ARHGEF28: variants seen among roughly 807,000 people sequenced by gnomAD.
ARHGEF28 encodes the protein 190 kDa guanine nucleotide exchange factor.
Under a neutral mutation model 206.6 loss-of-function variants are expected in ARHGEF28, and 152 were observed. That is an observed-to-expected ratio of 0.74 (90% CI 0.64 to 0.84). The LOEUF is 0.84. Ranked by LOEUF, ARHGEF28 falls within the 40% of genes least tolerant of loss-of-function variation. The pLI is 0.00. For missense variants in ARHGEF28, 2,028 were observed against 2,073.2 expected, an observed-to-expected ratio of 0.98 and a Z score of 0.42; for synonymous variants, 763 against 776.4, an observed-to-expected ratio of 0.98 and a Z score of 0.29.
chr5:73,838,473 A>T (rs1757796304), intron 10 of ARHGEF28, among the ~76,000 whole-genome samples: 1 of 152,202 alleles, frequency 6.6e-6, no homozygotes, highest in South Asian at 2.1e-4. Flanking sequence ...CTGTTGAGAA[A>T]ATTCACATGA....
intron 9 of ARHGEF28, among the ~76,000 whole-genome samples, chr5:73,818,278 GA>G (rs1326989357): frequency 6.6e-6 from 1 of 152,128 alleles, no homozygotes; most frequent in African/African-American, 2.4e-5. Context: ...TACCTAATCT[GA>G]AAAAATAATC....
At chr5:73,722,270 G>A (rs183139575) in intron 2 of ARHGEF28, among the ~76,000 whole-genome samples, 30 of 152,358 alleles carry the variant, frequency 2.0e-4, no homozygotes, top group Non-Finnish European at 3.7e-4. Flanking sequence ...TGTGCTAGCT[G>A]TTTCATCAAC....
intron 25 of ARHGEF28, among the ~76,000 whole-genome samples, chr5:73,886,555 C>T (rs1374965990): frequency 6.6e-6 from 1 of 152,222 alleles, no homozygotes; most frequent in Non-Finnish European, 1.5e-5. Context: ...AATATATCCA[C>T]ACACCTGCTG....
intron 13 of ARHGEF28, 27 bp from the exon 14 acceptor site, chr5:73,852,623 T>C (rs1392627596): frequency 6.2e-7 from 1 of 1,612,016 alleles, no homozygotes; most frequent in Non-Finnish European, 8.5e-7. Context: ...TGCCTTAGTT[T>C]TCATTTTATT....
intron 2 of ARHGEF28, among the ~76,000 whole-genome samples, chr5:73,691,452 A>G (rs1747823480): frequency 6.6e-6 from 1 of 152,140 alleles, no homozygotes; most frequent in Non-Finnish European, 1.5e-5. Context: ...CATCTCCTGC[A>G]GGGGTTCTTA....
intron 1 of ARHGEF28, among the ~76,000 whole-genome samples, chr5:73,657,987 T>C (rs542147646): frequency 6.6e-6 from 1 of 152,324 alleles, no homozygotes; most frequent in Non-Finnish European, 1.5e-5. Context: ...AATGAGTCTT[T>C]ATTTTATGAC....
chr5:73,903,713 C>T (rs2450437), intron 31 of ARHGEF28: 5,176 of 156,958 alleles, frequency 0.033, 99 homozygotes, highest in South Asian at 0.05. Context: ...ACTATGGCCA[C>T]CGTCTGAGTC....
intron 2 of ARHGEF28, among the ~76,000 whole-genome samples, chr5:73,703,770 G>T (rs968453107): frequency 6.6e-6 from 1 of 151,910 alleles, no homozygotes; most frequent in African/African-American, 2.4e-5. Context: ...AGGCGCAGTG[G>T]CTCATGCCTG....
At chr5:73,855,359 C>A (rs1481136133) in intron 14 of ARHGEF28, among the ~76,000 whole-genome samples, 2 of 152,058 alleles carry the variant, frequency 1.3e-5, no homozygotes, top group African/African-American at 4.8e-5. Flanking sequence ...TTTCATATTT[C>A]ATAATTAATA....
At chr5:73,818,687 A>G (rs891934240) in intron 9 of ARHGEF28, among the ~76,000 whole-genome samples, 24 of 152,020 alleles carry the variant, frequency 1.6e-4, no homozygotes, top group African/African-American at 5.8e-4. Flanking sequence ...CCCATTACAA[A>G]CTCTTTGCCA....
At chr5:73,800,024 C>CTATAAT (rs973342109) in intron 9 of ARHGEF28, among the ~76,000 whole-genome samples, 2 of 152,018 alleles carry the variant, frequency 1.3e-5, no homozygotes, top group African/African-American at 4.8e-5. Flanking sequence ...TGTTAGTCTT[C>CTATAAT]TATAATTATA....
intron 4 of ARHGEF28, among the ~76,000 whole-genome samples, chr5:73,767,648 G>T (rs1752971034): frequency 6.6e-6 from 1 of 152,120 alleles, no homozygotes; most frequent in Non-Finnish European, 1.5e-5. Flanking sequence ...TGCTGTTAAA[G>T]GCATTCAGTT....
chr5:73,852,396 GCTAA>G (rs1367993264), intron 13 of ARHGEF28, among the ~76,000 whole-genome samples: 1 of 152,256 alleles, frequency 6.6e-6, no homozygotes, highest in Non-Finnish European at 1.5e-5. Flanking sequence ...CCTTGCTGAT[GCTAA>G]CTTAGTTCAT....
rs80208644 is a variant in ARHGEF28 at position 73,748,980 on chromosome 5, C to T, written c.34-857C>T. On this transcript the variant is annotated intron_variant, in intron 2 of 35. Coordinates refer to ENST00000513042, the MANE Select transcript of ARHGEF28 (RefSeq NM_001177693.2). ...CAAAGCCTCAGGATGATGAAATACC[C>T]GAGAGCCCCAGCCTGCTGCCCCACT... 5.4e-3 allele frequency among the ~76,000 whole-genome samples: 818 copies of T among 152,244 alleles called. 4 individuals carry two copies. The highest frequency in any genetic ancestry group is 0.019 in the African/African-American group (773 of 41,556).
intron 1 of ARHGEF28, among the ~76,000 whole-genome samples, chr5:73,674,520 G>A (rs529637364): frequency 3.9e-5 from 6 of 152,272 alleles, no homozygotes; most frequent in African/African-American, 9.6e-5. Context: ...AAACATACAC[G>A]GTATTTTGAC....
At chr5:73,834,264 T>C (rs755646578) in intron 10 of ARHGEF28, among the ~76,000 whole-genome samples, 3 of 152,182 alleles carry the variant, frequency 2.0e-5, no homozygotes, top group Non-Finnish European at 2.9e-5. Flanking sequence ...GTCACCATGT[T>C]GTACATTAGG....
intron 1 of ARHGEF28, among the ~76,000 whole-genome samples, chr5:73,635,863 G>A (rs911025014): frequency 1.3e-5 from 2 of 152,158 alleles, no homozygotes; most frequent in South Asian, 2.1e-4. Context: ...TGCACAAAAC[G>A]CATTGCCAAT....
chr5:73,772,133 G>A (rs966106695), intron 4 of ARHGEF28, among the ~76,000 whole-genome samples: 10 of 152,112 alleles, frequency 6.6e-5, no homozygotes, highest in African/African-American at 2.2e-4. Flanking sequence ...AATTAAAAAT[G>A]TAAACTAAGC....
chr5:73,788,555 AT>A (rs1316790129), intron 7 of ARHGEF28, among the ~76,000 whole-genome samples: 2 of 152,190 alleles, frequency 1.3e-5, no homozygotes, highest in Non-Finnish European at 2.9e-5. Context: ...AGAGAAAAAA[AT>A]GTTCTTAATA....
Sources: allele counts gnomAD v4.1 joint callset (sites outside exome capture counted in the v4.1 genomes callset), GRCh38; gene constraint gnomAD v4.1.1; transcripts MANE v1.5; gene names NCBI Gene and HGNC (gene_info 2026-07-23, HGNC 2026-07-21).